Variants in ABAT observed in about 807,000 individuals in gnomAD.
ABAT encodes the protein 4-aminobutyrate aminotransferase.
ABAT carries 45 observed loss-of-function variants against 64.6 expected under a neutral mutation model. The observed-to-expected ratio is 0.70, with a 90% CI of 0.55 to 0.89. The LOEUF is 0.89. Among genes scored for constraint, ABAT ranks in the 40% least tolerant of loss-of-function variants. The pLI, the probability that ABAT is intolerant of heterozygous loss-of-function variation, is 0.00. For missense variants in ABAT, 633 were observed against 658.4 expected (o/e 0.96, Z 0.42); for synonymous variants, 297 against 250.5 (o/e 1.19, Z -1.75).
chr16:8,683,070 T>C (rs749139265), intron 1 of ABAT, among the ~76,000 whole-genome samples: 3 of 152,172 alleles, frequency 2.0e-5, no homozygotes, highest in Non-Finnish European at 4.4e-5. Flanking sequence ...TTACTGGCCA[T>C]TTGTACCTTT....
intron 1 of ABAT, among the ~76,000 whole-genome samples, chr16:8,703,940 T>C (rs1471380265): frequency 6.6e-6 from 1 of 152,244 alleles, no homozygotes; most frequent in Non-Finnish European, 1.5e-5. Flanking sequence ...AGCAGGCCAG[T>C]GGCCATAGTT....
rs114642462 is a variant in ABAT at position 8,722,523 on chromosome 16, T to C, written c.-41-13176T>C. ...AGCAAGTTGATTTCAAGAAAAATGT[T>C]AAGTCAACACAAGTCATATGAGACA... On this transcript the variant is annotated intron_variant, in intron 1 of 15. Transcript: ENST00000268251. Among the ~76,000 whole-genome samples, 423 of 152,232 alleles carry C rather than the reference T, an allele frequency of 2.8e-3. 3 individuals carry two copies. The highest frequency in any genetic ancestry group is 9.5e-3 in the African/African-American group (396 of 41,508).
intron 1 of ABAT, among the ~76,000 whole-genome samples, chr16:8,700,395 G>A (rs73497665): frequency 0.07 from 10,696 of 152,124 alleles, 1,251 homozygotes; most frequent in African/African-American, 0.24. Context: ...ACCTGAGAAT[G>A]CAACCATGTA....
intron 3 of ABAT, among the ~76,000 whole-genome samples, chr16:8,747,309 A>G (rs1252883507): frequency 2.0e-5 from 3 of 152,166 alleles, no homozygotes; most frequent in Non-Finnish European, 4.4e-5. Context: ...TTTTGTCCAT[A>G]ATGTCTTTTT....
intron 1 of ABAT, among the ~76,000 whole-genome samples, chr16:8,717,176 G>T (rs1041204368): frequency 6.6e-6 from 1 of 152,116 alleles, no homozygotes; most frequent in East Asian, 1.9e-4. Flanking sequence ...TGTCATCCCA[G>T]CTACTCGGGA....
intron 1 of ABAT, among the ~76,000 whole-genome samples, chr16:8,719,131 A>G (rs1277884710): frequency 6.6e-6 from 1 of 152,198 alleles, no homozygotes; most frequent in African/African-American, 2.4e-5. Flanking sequence ...CCCACAGAAC[A>G]CAGCAGGACG....
chr16:8,779,049 T>C (rs2060351710), intron 14 of ABAT, among the ~76,000 whole-genome samples: 1 of 152,192 alleles, frequency 6.6e-6, no homozygotes, highest in South Asian at 2.1e-4. Flanking sequence ...TGGAGATGGC[T>C]AACATCTGTG....
At chr16:8,689,034 T>A (rs995818245) in intron 1 of ABAT, among the ~76,000 whole-genome samples, 2 of 150,600 alleles carry the variant, frequency 1.3e-5, no homozygotes, top group Non-Finnish European at 2.9e-5. Context: ...GAGCCGAGAT[T>A]GCACCACTGC....
intron 1 of ABAT, among the ~76,000 whole-genome samples, chr16:8,700,406 A>G (rs999073752): frequency 3.9e-5 from 6 of 152,152 alleles, no homozygotes; most frequent in Non-Finnish European, 4.4e-5. Context: ...CAACCATGTA[A>G]CCAGCACCTA....
chr16:8,712,003 G>T (rs1355244069), intron 1 of ABAT, among the ~76,000 whole-genome samples: 1 of 76,452 alleles, frequency 1.3e-5, no homozygotes, highest in East Asian at 9.4e-4. Context: ...ACTTTGGGAG[G>T]TCGGGGGGGA....
rs2059876460 is a variant in ABAT at position 8,764,146 on chromosome 16, C to T, written c.444C>T (p.Leu148=). The part of the protein sequence containing the change: ...NFVEKLRQSL[L]SVAPKGMSQL... The stretch of plus-strand genomic sequence containing the variant: ...TGGAGAAGCTCCGGCAGTCCTTGCT[C>T]TCGGTGAGTTCTGGAGAAGCAATCC... Residue 148 remains leucine, a synonymous_variant, in exon 7 of 16, where the codon CTC becomes CTT. Coordinates refer to ENST00000268251, the MANE Select transcript of ABAT (RefSeq NM_020686.6). The surrounding 1 kb of genome is among the most constrained non-coding windows in gnomAD (Gnocchi z 4.2). 1 of 1,613,250 alleles carries T rather than the reference C, an allele frequency of 6.2e-7. No individual in the cohort carries two copies. The highest frequency in any genetic ancestry group is 2.2e-5 in the East Asian group (1 of 44,870).
intron 1 of ABAT, among the ~76,000 whole-genome samples, chr16:8,689,640 G>C (rs1359001164): frequency 6.6e-6 from 1 of 152,216 alleles, no homozygotes; most frequent in African/African-American, 2.4e-5. Flanking sequence ...GAGCTGTGTA[G>C]GATTCTGTGC....
At chr16:8,682,400 C>A (rs1730949) in intron 1 of ABAT, among the ~76,000 whole-genome samples, 41 of 151,444 alleles carry the variant, frequency 2.7e-4, no homozygotes, top group African/African-American at 9.9e-4. Context: ...GAAAACAGAA[C>A]GCTATTCTTC....
intron 2 of ABAT, among the ~76,000 whole-genome samples, chr16:8,740,677 G>A (rs943264193): frequency 5.3e-5 from 8 of 152,138 alleles, no homozygotes; most frequent in African/African-American, 1.2e-4. Context: ...GATCTGACAT[G>A]GTGTTCCCAA....
chr16:8,779,686 G>T (rs1391502674), intron 15 of ABAT, 96 bp downstream of exon 15: 7 of 979,622 alleles, frequency 7.1e-6, no homozygotes, highest in South Asian at 1.3e-5. Context: ...TATTTTGTGT[G>T]GGGGGCAGGT....
At chr16:8,750,396 C>T in intron 4 of ABAT, 26 bp from the exon 5 acceptor site, 1 of 1,590,452 alleles carries the variant, frequency 6.3e-7, no homozygotes, top group Non-Finnish European at 8.6e-7. Flanking sequence ...GGCAGTGAGC[C>T]TGAGTTGGTC....
intron 1 of ABAT, among the ~76,000 whole-genome samples, chr16:8,725,877 C>G (rs1035956721): frequency 1.2e-4 from 18 of 152,142 alleles, no homozygotes; most frequent in African/African-American, 4.3e-4. Flanking sequence ...TGCCTTCTTA[C>G]TCCTCATCAA....
intron 2 of ABAT, among the ~76,000 whole-genome samples, chr16:8,737,934 A>G (rs1243510201): frequency 1.2e-5 from 1 of 84,058 alleles, no homozygotes; most frequent in African/African-American, 4.7e-5. Flanking sequence ...AAAAAAAAAA[A>G]GAAAGGAAAG....
intron 1 of ABAT, among the ~76,000 whole-genome samples, chr16:8,732,194 TTG>T (rs1169812409): frequency 4.7e-4 from 3 of 6,368 alleles, no homozygotes; most frequent in South Asian, 0.028. Context: ...TAGGTTTTTT[TTG>T]TTTTTTTTTT....
Sources: allele counts gnomAD v4.1 joint callset (sites outside exome capture counted in the v4.1 genomes callset), GRCh38; gene constraint gnomAD v4.1.1; non-coding constraint Gnocchi (gnomAD v3.1); transcripts MANE v1.5; gene names NCBI Gene and HGNC (gene_info 2026-07-23, HGNC 2026-07-21).